Variants in NELL2 observed in about 807,000 individuals in gnomAD.
The protein encoded by NELL2 is protein kinase C-binding protein NELL2.
NELL2 carries 41 observed loss-of-function variants against 109.6 expected under a neutral mutation model. The ratio of observed to expected loss-of-function variants is 0.37; its 90% confidence interval spans 0.29 to 0.49. The LOEUF is 0.49. NELL2 is among the 20% of genes least tolerant of loss of function. NELL2 has a pLI of 0.98. For missense variants in NELL2, 900 were observed against 1,008.3 expected (o/e 0.89, Z 1.45); for synonymous variants, 355 against 344.7 (o/e 1.03, Z -0.33).
intron 1 of NELL2, among the ~76,000 whole-genome samples, chr12:44,896,811 C>G (rs1012548817): frequency 6.6e-6 from 1 of 152,102 alleles, no homozygotes; most frequent in African/African-American, 2.4e-5. Flanking sequence ...AGTTTTCTCC[C>G]TGTCTAAAGA....
intron 13 of NELL2, among the ~76,000 whole-genome samples, chr12:44,645,750 C>A (rs1225287418): frequency 1.3e-5 from 2 of 152,058 alleles, no homozygotes; most frequent in East Asian, 3.9e-4. Context: ...GTATAATTTT[C>A]CCATTTTACC....
intron 9 of NELL2, among the ~76,000 whole-genome samples, chr12:44,741,381 G>A (rs1035509497): frequency 1.3e-5 from 2 of 152,142 alleles, no homozygotes; most frequent in Non-Finnish European, 2.9e-5. Context: ...TGTGAGCCAC[G>A]CAGAAGACAG....
chr12:44,758,050 ACACACACACACACTCCCCCGC>A (rs1566324749), intron 9 of NELL2, among the ~76,000 whole-genome samples: 1 of 151,662 alleles, frequency 6.6e-6, no homozygotes, highest in Non-Finnish European at 1.5e-5. Context: ...GAGATTACAC[ACACACACACACACTCCCCCGC>A]CACACACATA....
At chr12:44,708,150 T>G (rs913397572) in intron 11 of NELL2, among the ~76,000 whole-genome samples, 3 of 152,160 alleles carry the variant, frequency 2.0e-5, no homozygotes, top group African/African-American at 7.2e-5. Context: ...ACTGAATCAC[T>G]CAGTCTCTGT....
chr12:44,719,913 C>G (rs1938680052), intron 9 of NELL2, among the ~76,000 whole-genome samples: 1 of 152,034 alleles, frequency 6.6e-6, no homozygotes, highest in South Asian at 2.1e-4. Context: ...AAAGAATGTA[C>G]AATAAATGCA....
At chr12:44,891,629 TC>T (rs143588584) in intron 1 of NELL2, among the ~76,000 whole-genome samples, 22,097 of 152,208 alleles carry the variant, frequency 0.15, 1,796 homozygotes, top group East Asian at 0.22. Flanking sequence ...TGATTTTTTT[TC>T]CTCCTGTGGG....
At chr12:44,827,834 T>G (rs546571205) in intron 2 of NELL2, among the ~76,000 whole-genome samples, 1 of 152,152 alleles carries the variant, frequency 6.6e-6, no homozygotes, top group East Asian at 1.9e-4. Context: ...TACCTGGGAG[T>G]GGGATTGCTA....
intron 1 of NELL2, among the ~76,000 whole-genome samples, chr12:44,906,632 A>G (rs1461514547): frequency 1.3e-5 from 2 of 152,050 alleles, no homozygotes; most frequent in African/African-American, 4.8e-5. Context: ...AATCAAGGAG[A>G]ACTCAAAGGT....
chr12:44,559,394 A>T (rs1395091242), intron 15 of NELL2, among the ~76,000 whole-genome samples: 1 of 152,176 alleles, frequency 6.6e-6, no homozygotes, highest in Non-Finnish European at 1.5e-5. Flanking sequence ...AAATTGGATA[A>T]AGAGTAAAGA....
intron 12 of NELL2, among the ~76,000 whole-genome samples, chr12:44,702,339 A>G (rs1391275092): frequency 6.6e-6 from 1 of 152,164 alleles, no homozygotes; most frequent in Middle Eastern, 3.2e-3. Context: ...TCCACTTTAC[A>G]TCAAGCCTAG....
chr12:44,772,113 G>T (rs917865378), intron 9 of NELL2, among the ~76,000 whole-genome samples: 2 of 152,260 alleles, frequency 1.3e-5, no homozygotes, highest in South Asian at 4.2e-4. Context: ...TCAATGTAGG[G>T]TCTAAGAAGA....
At chr12:44,631,856 C>T (rs1331525430) in intron 13 of NELL2, among the ~76,000 whole-genome samples, 4 of 151,802 alleles carry the variant, frequency 2.6e-5, no homozygotes, top group Non-Finnish European at 4.4e-5. Context: ...ATCCTAAGCC[C>T]GATAAAGGCA....
chr12:44,858,260 C>T (rs888507929), intron 2 of NELL2, among the ~76,000 whole-genome samples: 1 of 152,178 alleles, frequency 6.6e-6, no homozygotes, highest in Non-Finnish European at 1.5e-5. Flanking sequence ...AGGCCGTGCT[C>T]CTAAATGCTA....
chr12:44,754,166 T>C (rs1940777905), intron 9 of NELL2, among the ~76,000 whole-genome samples: 1 of 152,186 alleles, frequency 6.6e-6, no homozygotes, highest in Non-Finnish European at 1.5e-5. Context: ...CGAGACATCA[T>C]TTTACTTCTA....
intron 12 of NELL2, among the ~76,000 whole-genome samples, chr12:44,687,591 ATG>A (rs1305731883): frequency 2.0e-5 from 3 of 152,154 alleles, no homozygotes; most frequent in Non-Finnish European, 4.4e-5. Context: ...TTGAAAGCTA[ATG>A]GATAGAGGAA....
At chr12:44,880,546 T>C (rs1467761193), upstream of NELL2, among the ~76,000 whole-genome samples, 2 of 151,874 alleles carry the variant, frequency 1.3e-5, no homozygotes, top group Non-Finnish European at 2.9e-5. Flanking sequence ...CACAACTAGT[T>C]AGAGATGTGG....
chr12:44,560,478 A>T (rs199710469), intron 15 of NELL2, among the ~76,000 whole-genome samples: 4 of 152,034 alleles, frequency 2.6e-5, no homozygotes, highest in Non-Finnish European at 5.9e-5. Flanking sequence ...AGACATAATT[A>T]AAAAAATGAT....
intron 13 of NELL2, among the ~76,000 whole-genome samples, chr12:44,664,769 T>C (rs1947866753): frequency 6.6e-6 from 1 of 152,160 alleles, no homozygotes; most frequent in African/African-American, 2.4e-5. Flanking sequence ...AAAAGAAATG[T>C]TCTGTTTCAC....
intron 15 of NELL2, among the ~76,000 whole-genome samples, chr12:44,536,774 A>G (rs1285293939): frequency 6.6e-6 from 1 of 152,012 alleles, no homozygotes; most frequent in African/African-American, 2.4e-5. Flanking sequence ...AACCACATTT[A>G]GAACAGTCAG....
Sources: gnomAD v4.1 joint callset for allele counts (sites outside exome capture counted in the v4.1 genomes callset) on GRCh38, gnomAD v4.1.1 for gene constraint, MANE v1.5 for transcripts, NCBI Gene and HGNC (gene_info 2026-07-23, HGNC 2026-07-21) for gene names.